The following LRRC7 variants were observed in gnomAD, a reference collection of about 807,000 sequenced individuals.
LRRC7 encodes the protein leucine-rich repeat-containing protein 7.
A neutral mutation model predicts 175.7 loss-of-function variants in LRRC7; 23 were observed. The ratio of observed to expected loss-of-function variants is 0.13; its 90% CI spans 0.09 to 0.19. The LOEUF (loss-of-function observed/expected upper bound fraction) is 0.19. LRRC7 is among the 10% of genes least tolerant of loss of function. LRRC7 has a pLI of 1.00. For missense variants in LRRC7, 1,354 were observed against 1,904.7 expected (o/e 0.71, Z 5.38); for synonymous variants, 685 against 680.9 (o/e 1.01, Z -0.09).
At chr1:69,844,186 T>A (rs1682066495) in intron 7 of LRRC7, among the ~76,000 whole-genome samples, 1 of 152,052 alleles carries the variant, frequency 6.6e-6, no homozygotes, top group Non-Finnish European at 1.5e-5. Flanking sequence ...TCCTTTTTAA[T>A]TTTTTTTATC....
At chr1:70,099,603 G>T (rs1234752274) in intron 25 of LRRC7, among the ~76,000 whole-genome samples, 2 of 152,188 alleles carry the variant, frequency 1.3e-5, no homozygotes, top group Non-Finnish European at 2.9e-5. Flanking sequence ...TTAAAATAGT[G>T]CAGATAGTGT....
At position 69,694,585 on chromosome 1, in the gene LRRC7, G is replaced by C. The variant is rs555451598; in HGVS notation, c.100+16107G>C. Among the ~76,000 whole-genome samples the C allele has an allele frequency of 1.5e-4, 23 of 152,246 alleles. No homozygotes were observed. The South Asian group carries it at 4.8e-3, about 32-fold the overall frequency. On this transcript the variant is annotated intron_variant, in intron 2 of 26. Coordinates refer to ENST00000651989, the MANE Select transcript of LRRC7 (RefSeq NM_001370785.2). ...CCCTCCAAATTTCATGTTGAAATCT[G>C]ACCTTCAAAGTTAGAAGTGGGCCTA...
chr1:69,889,949 T>C (rs1645783266), intron 7 of LRRC7, among the ~76,000 whole-genome samples: 1 of 152,226 alleles, frequency 6.6e-6, no homozygotes, highest in South Asian at 2.1e-4. Flanking sequence ...CAGTCACATC[T>C]TCAGGCTCCA....
chr1:69,712,705 A>G (rs1028969184), intron 2 of LRRC7, among the ~76,000 whole-genome samples: 5 of 152,338 alleles, frequency 3.3e-5, no homozygotes, highest in Admixed American at 1.3e-4. Context: ...TCAGCATTAA[A>G]AATGTAGTAT....
chr1:69,993,933 G>C (rs1048339692), intron 10 of LRRC7, among the ~76,000 whole-genome samples: 6 of 152,140 alleles, frequency 3.9e-5, no homozygotes, highest in African/African-American at 1.4e-4. Context: ...AAGCCATTAA[G>C]GGTATGGAGG....
At chr1:69,909,402 C>G (rs1277939586) in intron 7 of LRRC7, among the ~76,000 whole-genome samples, 2 of 152,120 alleles carry the variant, frequency 1.3e-5, no homozygotes, top group Non-Finnish European at 2.9e-5. Flanking sequence ...TTTGCAGTGG[C>G]TGGTACCGGT....
chr1:70,078,876 G>C (rs558342356), intron 24 of LRRC7, among the ~76,000 whole-genome samples: 3 of 150,788 alleles, frequency 2.0e-5, no homozygotes, highest in Admixed American at 6.6e-5. Flanking sequence ...TAGCACTGAG[G>C]GTATAGAAAC....
Position 70,038,763 on chromosome 1 carries a change from A to G in LRRC7, c.2939A>G (p.Asn980Ser), listed in dbSNP as rs2102026334. The G allele has an allele frequency of 1.2e-6, 2 of 1,614,014 alleles. No homozygotes were observed. Among genetic ancestry groups the G allele is most frequent in the Non-Finnish European group, 1.7e-6 (2 of 1,179,992 alleles). The change falls in exon 21 of 27, where the codon AAT becomes AGT. Residue 980 changes from asparagine (N) to serine (S), a missense_variant. By Grantham distance (46) the Asn-to-Ser change is conservative. Around this residue, in one of 4 missense-constraint regions of LRRC7, gnomAD observed 1,032 missense variants for 1,227.2 expected, o/e 0.84. Transcript: ENST00000651989. ...CCCCTAATGAAAGATATCAAGTCTA[A>G]TAAATTCAAAAAGTCACAGAGTATC... ...LSPLMKDIKS[N>S]KFKKSQSIDE...
chr1:69,968,593 C>G (rs1651898015), intron 8 of LRRC7, among the ~76,000 whole-genome samples: 1 of 152,158 alleles, frequency 6.6e-6, no homozygotes, highest in Admixed American at 6.5e-5. Context: ...ATCAGATTAA[C>G]TGCAGATTTC....
Position 70,010,110 on chromosome 1 carries a change from GT to G in LRRC7, c.1005-1685del, listed in dbSNP as rs565234490. Among the ~76,000 whole-genome samples, 15 of 152,218 alleles carry G rather than the reference GT, an allele frequency of 9.9e-5. No homozygotes were observed. In the South Asian group the frequency reaches 3.1e-3, roughly 32 times the overall value. ...TCTGCTTTGTTTTTTGAGCTGTGGT[GT>G]TCTGTATTTAATTTATTGATACCCA... On this transcript the variant is annotated intron_variant, in intron 11 of 26. Coordinates refer to ENST00000651989, the MANE Select transcript of LRRC7 (RefSeq NM_001370785.2).
At chr1:69,586,604 CT>C (rs1313315193) in intron 1 of LRRC7, among the ~76,000 whole-genome samples, 1 of 151,674 alleles carries the variant, frequency 6.6e-6, no homozygotes, top group Non-Finnish European at 1.5e-5. Context: ...ATACCATTTA[CT>C]TAAAATTATT....
chr1:69,941,201 T>G (rs1033499084), intron 8 of LRRC7, among the ~76,000 whole-genome samples: 1 of 151,978 alleles, frequency 6.6e-6, no homozygotes, highest in African/African-American at 2.4e-5. Context: ...ATAAGTTAAT[T>G]TGTGGAGTGG....
At chr1:70,084,573 G>A (rs995740984) in intron 24 of LRRC7, among the ~76,000 whole-genome samples, 1 of 152,110 alleles carries the variant, frequency 6.6e-6, no homozygotes, top group African/African-American at 2.4e-5. Flanking sequence ...GGACATTTGG[G>A]TTTCTACTTT....
chr1:69,801,320 A>G (rs1254653888), intron 4 of LRRC7, among the ~76,000 whole-genome samples: 3 of 151,730 alleles, frequency 2.0e-5, no homozygotes, highest in Non-Finnish European at 4.4e-5. Context: ...GTTTGGAAGA[A>G]TTTGGCTCTG....
At chr1:70,049,333 T>C (rs1316296762) in intron 22 of LRRC7, among the ~76,000 whole-genome samples, 1 of 152,162 alleles carries the variant, frequency 6.6e-6, no homozygotes, top group Non-Finnish European at 1.5e-5. Context: ...TCTGGATATA[T>C]GCAAATGACT....
chr1:69,630,490 C>G (rs1461727632), intron 1 of LRRC7, among the ~76,000 whole-genome samples: 1 of 151,998 alleles, frequency 6.6e-6, no homozygotes, highest in African/African-American at 2.4e-5. Flanking sequence ...ATACTTGCTA[C>G]CTTTATTTTG....
At chr1:70,021,715 G>A (rs1391342518) in intron 16 of LRRC7, among the ~76,000 whole-genome samples, 5 of 152,072 alleles carry the variant, frequency 3.3e-5, no homozygotes, top group African/African-American at 1.2e-4. Flanking sequence ...CTCAAAGTAT[G>A]TTTTAAAAGA....
chr1:69,898,927 G>A (rs193083751), intron 7 of LRRC7, among the ~76,000 whole-genome samples: 3 of 152,344 alleles, frequency 2.0e-5, no homozygotes, highest in East Asian at 1.9e-4. Context: ...AACAGAGATC[G>A]TATACCATGG....
At chr1:69,595,463 G>A (rs1291322773) in intron 1 of LRRC7, among the ~76,000 whole-genome samples, 1 of 152,162 alleles carries the variant, frequency 6.6e-6, no homozygotes, top group Non-Finnish European at 1.5e-5. Flanking sequence ...GCAACTTGCT[G>A]AAGATCTGCA....
Sources: allele counts gnomAD v4.1 joint callset (sites outside exome capture counted in the v4.1 genomes callset), GRCh38; gene constraint gnomAD v4.1.1; regional missense constraint gnomAD v4.1.1; transcripts MANE v1.5; gene names NCBI Gene and HGNC (gene_info 2026-07-23, HGNC 2026-07-21).